LRWD1: variants seen among roughly 807,000 people sequenced by gnomAD.
The protein encoded by LRWD1 is leucine rich repeats and WD repeat domain containing 1, also known as leucine-rich repeat and WD repeat-containing protein 1.
A neutral mutation model predicts 75.6 loss-of-function variants in LRWD1; 76 were observed. The ratio of observed to expected loss-of-function variants is 1.01; its 90% confidence interval spans 0.84 to 1.22. LRWD1 has a LOEUF of 1.22. Ranked by LOEUF, LRWD1 falls within the 50% of genes most tolerant of loss-of-function variation. The pLI, the probability that LRWD1 is intolerant of heterozygous loss-of-function variation, is 0.00. For missense variants in LRWD1, 917 were observed against 862.0 expected, an observed-to-expected ratio of 1.06 and a Z score of -0.80; for synonymous variants, 487 against 377.0, an observed-to-expected ratio of 1.29 and a Z score of -3.38.
chr7:102,470,047 G>A, intron 11 of LRWD1, 165 bp downstream of exon 11: 1 of 895,890 alleles, frequency 1.1e-6, no homozygotes, highest in Non-Finnish European at 1.6e-6. Flanking sequence ...AGGCTCTGGA[G>A]GAAAGGACTC....
chr7:102,471,304 T>G (rs1308127048), intron 11 of LRWD1: 2 of 154,042 alleles, frequency 1.3e-5, no homozygotes, highest in African/African-American at 4.8e-5. Flanking sequence ...TGACTTCAGG[T>G]GATCCACCCA....
At chr7:102,468,486 G>C in intron 7 of LRWD1, 68 bp from the exon 8 acceptor site, 1 of 1,541,560 alleles carries the variant, frequency 6.5e-7, no homozygotes. Flanking sequence ...CTGGGAGGAG[G>C]AGGCTGCAGG....
rs1022404708 is a variant in LRWD1, at chr7:102,472,358, G to A, written c.1534+49G>A. 1.4e-5 allele frequency: 21 copies of A among 1,552,368 alleles called. No homozygotes were observed. In the Admixed American group the frequency reaches 1.8e-4, roughly 13 times the overall value. On this transcript the variant is annotated intron_variant, in intron 12 of 14. Coordinates refer to ENST00000292616, the MANE Select transcript of LRWD1 (RefSeq NM_152892.3). ...CAGCCTGGCCTCCGGGCACACAGATGGACCGCTTGTCCCTGGGCTAGGCTT... is the reference window on the plus strand; with the variant it reads ...CAGCCTGGCCTCCGGGCACACAGATAGACCGCTTGTCCCTGGGCTAGGCTT...
rs572272292 is a variant in LRWD1 at position 102,469,805 on chromosome 7, G to A, written c.1365G>A (p.Pro455=). 27 of 1,608,016 alleles carry A rather than the reference G, an allele frequency of 1.7e-5. No homozygotes were observed. The highest frequency in any genetic ancestry group is 1.7e-4 in the Middle Eastern group (1 of 6,042). The change falls in exon 11 of 15, where the codon CCG becomes CCA. Residue 455 remains proline (P), a synonymous_variant. Coordinates refer to ENST00000292616, the MANE Select transcript of LRWD1 (RefSeq NM_152892.3). The stretch of plus-strand genomic sequence containing the variant: ...GCCTCTGCCCTGTCGCCTCCTGCCC[G>A]GACGCCCGCCTGCTGGCCGGCTGCG... ...PLRLCPVASC[P]DARLLAGCEG... is the part of the protein sequence containing the mutation.
chr7:102,465,023 G>A lies in LRWD1; in HGVS notation c.-58G>A, dbSNP rs770766450. 5.0e-6 allele frequency: 7 copies of A among 1,403,470 alleles called. No homozygotes were observed. Among genetic ancestry groups the A allele is most frequent in the Non-Finnish European group, 4.7e-6 (5 of 1,074,734 alleles). The allele number at this position is 1,403,470 out of a possible 1,614,324, so 86.9% of individuals were successfully genotyped here. A position where few individuals can be genotyped will look rare whatever the true frequency, so the allele number is the denominator to read the frequency against. Reference sequence around the variant, plus strand: ...CCAGTGCCGGGCTCCAGGAGACGCAGGGCGACGCCACACGCCGGGGTGGCC... The same window carrying A: ...CCAGTGCCGGGCTCCAGGAGACGCAAGGCGACGCCACACGCCGGGGTGGCC... On this transcript the variant is annotated 5_prime_UTR_variant, in exon 1 of 15. Transcript: ENST00000292616.
intron 9 of LRWD1, 90 bp from the exon 10 acceptor site, chr7:102,469,484 T>G: frequency 1.3e-6 from 2 of 1,487,358 alleles, no homozygotes; most frequent in Non-Finnish European, 1.9e-6. Context: ...GGGCTGGCCT[T>G]GGGACCGTGG....
chr7:102,467,855 C>T, intron 5 of LRWD1, 32 bp downstream of exon 5: 1 of 1,542,166 alleles, frequency 6.5e-7, no homozygotes, highest in Non-Finnish European at 8.8e-7. Context: ...CTGAGGCCAG[C>T]CCAGTCCCTC....
chr7:102,466,352 T>G, intron 3 of LRWD1, 82 bp downstream of exon 3: 3 of 1,133,870 alleles, frequency 2.6e-6, no homozygotes, highest in Non-Finnish European at 4.0e-6. Flanking sequence ...CAGGAGGATG[T>G]TGAGGAGGGT....
chr7:102,470,200 G>A, intron 11 of LRWD1: 2 of 333,416 alleles, frequency 6.0e-6, no homozygotes, highest in Non-Finnish European at 1.1e-5. Context: ...CTCTGTGCTG[G>A]CATAATGTCC....
In LRWD1 at chr7:102,469,626, G is replaced by A. The variant is rs778984244; in HGVS notation, c.1281G>A (p.Gln427=). The stretch of plus-strand genomic sequence containing the variant: ...TCTGGGACATCGGGGTGCCCAACCA[G>A]GACTACGAATTCCAGGCCAGGTGAT... The part of the protein sequence containing the change: ...IILWDIGVPN[Q]DYEFQASQLL... The change falls in exon 10 of 15, where the codon CAG becomes CAA. Residue 427 remains glutamine, a synonymous_variant. Transcript: ENST00000292616. The A allele has an allele frequency of 4.3e-6, 7 of 1,614,090 alleles. No individual in the cohort carries two copies. The African/African-American group carries it at 9.3e-5, about 22-fold the overall frequency.
chr7:102,464,989 C>A lies in LRWD1; in HGVS notation c.-92C>A, dbSNP rs1797911631. 1 of 1,350,134 alleles carries A rather than the reference C, an allele frequency of 7.4e-7. No individual in the cohort carries two copies. 83.6% of individuals were successfully genotyped at this position (1,350,134 alleles called of 1,614,324 possible). A position where few individuals can be genotyped will look rare whatever the true frequency, so the allele number is the denominator to read the frequency against. ...CGGCGCCGCCTCCTGGGCTCAGTTA[C>A]CGCGGACGCCAGTGCCGGGCTCCAG... On this transcript the variant is annotated 5_prime_UTR_variant, in exon 1 of 15. Transcript: ENST00000292616.
intron 2 of LRWD1, 49 bp downstream of exon 2, chr7:102,466,100 T>A: frequency 6.2e-7 from 1 of 1,612,796 alleles, no homozygotes; most frequent in Non-Finnish European, 8.5e-7. Context: ...AGGACTCTGT[T>A]GGGCTCAGGC....
In LRWD1 at chr7:102,472,806, T is replaced by A. The variant is rs746505643; in HGVS notation, c.1803+2T>A. ...GCAGCCCTGCAGGCCCCCACACAGG[T>A]ACTGCCCGGCTCACCCTGCCCAGGC... On this transcript the variant is annotated splice_donor_variant, in intron 14 of 14. Coordinates refer to ENST00000292616, the MANE Select transcript of LRWD1 (RefSeq NM_152892.3). LOFTEE classifies it high-confidence loss of function. 6.2e-7 allele frequency: 1 copy of A among 1,613,182 alleles called. No homozygotes were observed. Among genetic ancestry groups the A allele is most frequent in the Non-Finnish European group, 8.5e-7 (1 of 1,179,858 alleles).
At chr7:102,469,917 C>A (rs1393248630) in intron 11 of LRWD1, 35 bp downstream of exon 11, 9 of 1,484,956 alleles carry the variant, frequency 6.1e-6, no homozygotes, top group Admixed American at 2.4e-5. Flanking sequence ...GGAAGCCAGG[C>A]CTCTGCAGAG....
rs776399003 is a variant in LRWD1, at chr7:102,472,513, G to C, written c.1594G>C (p.Gly532Arg). The C allele has an allele frequency of 7.7e-6, 12 of 1,557,340 alleles. No homozygotes were observed. In the East Asian group the frequency reaches 1.9e-4, roughly 25 times the overall value. Residue 532 changes from glycine to arginine, a missense_variant, in exon 13 of 15, where the codon GGC becomes CGC. Physicochemically the swap from Gly to Arg is moderately radical, Grantham distance 125. Transcript: ENST00000292616. Reference protein sequence around the residue: ...CLWSWRQTWGGRGSQSTVAVV... With the variant: ...CLWSWRQTWGRRGSQSTVAVV... ...GTGGAGCTGGAGGCAGACGTGGGGG[G>C]GCCGGGGCAGCCAGTCCACGGTGGC...
Position 102,467,322 on chromosome 7 carries a change from G to C in LRWD1, c.433-17G>C. On this transcript the variant is annotated splice_polypyrimidine_tract_variant and intron_variant, in intron 3 of 14. Transcript: ENST00000292616. ...GCTGGGGTGGGCCGGGCCTGGATCT[G>C]GTCCCTCTTGCACCAGGTCACAGCT... The C allele has an allele frequency of 6.3e-7, 1 of 1,590,738 alleles. No homozygotes were observed. Among genetic ancestry groups the C allele is most frequent in the Non-Finnish European group, 8.6e-7 (1 of 1,168,910 alleles).
chr7:102,467,302 G>A, intron 3 of LRWD1, 37 bp from the exon 4 acceptor site: 1 of 1,563,322 alleles, frequency 6.4e-7, no homozygotes, highest in South Asian at 1.2e-5. Flanking sequence ...GAGGAGCTGG[G>A]GTGGGCCGGG....
chr7:102,468,144 C>G lies in LRWD1; in HGVS notation c.761C>G (p.Ala254Gly). Residue 254 changes from alanine (A) to glycine (G), a missense_variant, in exon 6 of 15, where the codon GCC becomes GGC. Transcript: ENST00000292616. ...AAGCGGGCGTGTGCCTCCCCGTCGG[C>G]CCAGGTGGAGGGCAGCCCTGTGGCA... ...PSKRACASPS[A>G]QVEGSPVAGS... 1 of 1,607,382 alleles carries G rather than the reference C, an allele frequency of 6.2e-7. No homozygotes were observed. The highest frequency in any genetic ancestry group is 8.5e-7 in the Non-Finnish European group (1 of 1,178,056).
chr7:102,472,476 C>T lies in LRWD1; in HGVS notation c.1557C>T (p.Gly519=), dbSNP rs1416875869. ...DIVASKGSGL[G]TICLWSWRQT... Reference sequence around the variant, plus strand: ...CAGCCTCCAAGGGGAGCGGCCTGGGCACCATCTGCCTGTGGAGCTGGAGGC... The same window carrying T: ...CAGCCTCCAAGGGGAGCGGCCTGGGTACCATCTGCCTGTGGAGCTGGAGGC... The change falls in exon 13 of 15, where the codon GGC becomes GGT. Residue 519 remains glycine (G), a synonymous_variant. Coordinates refer to ENST00000292616, the MANE Select transcript of LRWD1 (RefSeq NM_152892.3). 3.2e-6 allele frequency: 5 copies of T among 1,538,508 alleles called. No homozygotes were observed. Among genetic ancestry groups the T allele is most frequent in the East Asian group, 2.4e-5 (1 of 41,032 alleles).
Sources: allele counts gnomAD v4.1 joint callset, GRCh38; gene constraint gnomAD v4.1.1; transcripts MANE v1.5; gene names NCBI Gene and HGNC (gene_info 2026-07-23, HGNC 2026-07-21).